The following PLEKHA6 variants were observed in gnomAD, a reference collection of about 807,000 sequenced individuals.
The protein encoded by PLEKHA6 is pleckstrin homology domain containing A6, also known as pleckstrin homology domain-containing family A member 6.
Under a neutral mutation model 116.7 loss-of-function variants are expected in PLEKHA6, and 60 were observed. The observed-to-expected ratio is 0.51, with a 90% CI of 0.42 to 0.64. The LOEUF (loss-of-function observed/expected upper bound fraction) is 0.64, where lower values mean the gene tolerates loss of function less well. Ranked by LOEUF, PLEKHA6 falls within the 30% of genes least tolerant of loss-of-function variation. The pLI is 0.00. For missense variants in PLEKHA6, 1,338 were observed against 1,422.7 expected, an observed-to-expected ratio of 0.94 and a Z score of 0.96; for synonymous variants, 489 against 556.1, an observed-to-expected ratio of 0.88 and a Z score of 1.70.
intron 2 of PLEKHA6, among the ~76,000 whole-genome samples, chr1:204,368,040 G>C (rs867298312): frequency 3.3e-5 from 5 of 152,350 alleles, no homozygotes; most frequent in Middle Eastern, 3.4e-3. Context: ...CTAGCAGTGA[G>C]ATTCCCAGCA....
chr1:204,268,253 C>A lies in PLEKHA6; in HGVS notation c.162G>T (p.Arg54=). 6.2e-7 allele frequency: 1 copy of A among 1,612,606 alleles called. No homozygotes were observed. The highest frequency in any genetic ancestry group is 1.1e-5 in the South Asian group (1 of 90,880). Residue 54 remains arginine, a synonymous_variant, in exon 4 of 23, where the codon CGG becomes CGT. Transcript: ENST00000272203. ...CCTTGGTGACAGGTGCATTGGGGTT[C>A]CGCTTCATGGAGTGTGAGCGCTTGC... The part of the protein sequence containing the change: ...AFGKRSHSMK[R]NPNAPVTKAG...
At chr1:204,225,122 A>C (rs1660160866) in intron 21 of PLEKHA6, among the ~76,000 whole-genome samples, 2 of 152,232 alleles carry the variant, frequency 1.3e-5, no homozygotes, top group Admixed American at 1.3e-4. Context: ...AGAAAGCACG[A>C]CTGAGGAGAA....
intron 1 of PLEKHA6, among the ~76,000 whole-genome samples, chr1:204,356,747 C>A (rs755904220): frequency 6.6e-6 from 1 of 151,890 alleles, no homozygotes; most frequent in Non-Finnish European, 1.5e-5. Flanking sequence ...TACAAGTATA[C>A]CAAAATTAAA....
intron 2 of PLEKHA6, 65 bp from the exon 3 acceptor site, chr1:204,273,805 C>A (rs1667728248): frequency 9.1e-7 from 1 of 1,104,202 alleles, no homozygotes; most frequent in African/African-American, 1.5e-5. Context: ...AACAGCCCAT[C>A]CTTTTTCCAC....
At chr1:204,365,786 G>T (rs1398155) in intron 3 of PLEKHA6, among the ~76,000 whole-genome samples, 2,090 of 152,324 alleles carry the variant, frequency 0.014, 18 homozygotes, top group Middle Eastern at 0.027. Context: ...ACAGCAGTGG[G>T]GGGACCAGAA....
At chr1:204,274,980 T>C in intron 1 of PLEKHA6, 171 bp from the exon 2 acceptor site, 1 of 23,348 alleles carries the variant, frequency 4.3e-5, no homozygotes, top group Non-Finnish European at 5.4e-5. Flanking sequence ...TGGATGAGGG[T>C]GGGGGCGGGG....
chr1:204,293,917 C>G (rs1670016737), intron 1 of PLEKHA6, among the ~76,000 whole-genome samples: 1 of 152,110 alleles, frequency 6.6e-6, no homozygotes. Context: ...GAGACATGAT[C>G]CTGAATTGGA....
chr1:204,329,121 G>A (rs750645287), intron 1 of PLEKHA6, among the ~76,000 whole-genome samples: 10 of 152,224 alleles, frequency 6.6e-5, no homozygotes, highest in Non-Finnish European at 1.3e-4. Flanking sequence ...AGAGGGGATA[G>A]TTGGGAAAGA....
chr1:204,297,054 T>C (rs1670354120), intron 1 of PLEKHA6: 2 of 962,394 alleles, frequency 2.1e-6, no homozygotes, highest in Non-Finnish European at 1.2e-6. Flanking sequence ...TGCAGATTTC[T>C]TTTTTTAAAC....
intron 2 of PLEKHA6, among the ~76,000 whole-genome samples, chr1:204,370,006 T>C (rs1383305357): frequency 6.6e-6 from 1 of 152,198 alleles, no homozygotes; most frequent in Non-Finnish European, 1.5e-5. Context: ...CTCCCCATTA[T>C]AAAGATGAAG....
chr1:204,308,585 C>T (rs1671495592), intron 1 of PLEKHA6, among the ~76,000 whole-genome samples: 1 of 151,646 alleles, frequency 6.6e-6, no homozygotes, highest in Non-Finnish European at 1.5e-5. Flanking sequence ...AATAAGGTAA[C>T]ATGTATACAG....
At chr1:204,312,209 T>C (rs76195279) in intron 1 of PLEKHA6, among the ~76,000 whole-genome samples, 2,493 of 152,306 alleles carry the variant, frequency 0.016, 63 homozygotes, top group African/African-American at 0.054. Flanking sequence ...AAGGCTTCCA[T>C]GACAGTCGAT....
upstream of PLEKHA6, among the ~76,000 whole-genome samples, chr1:204,363,065 G>T (rs995226731): frequency 6.6e-6 from 1 of 152,242 alleles, no homozygotes; most frequent in South Asian, 2.1e-4. Context: ...CACTGTACCA[G>T]AACTGCTGCC....
chr1:204,241,871 C>A, intron 15 of PLEKHA6, 57 bp from the exon 16 acceptor site: 2 of 1,582,796 alleles, frequency 1.3e-6, no homozygotes, highest in South Asian at 2.2e-5. Flanking sequence ...GGAACTTGGC[C>A]CCCAGTGATG....
At chr1:204,302,600 G>A (rs1461820277) in intron 1 of PLEKHA6, among the ~76,000 whole-genome samples, 1 of 152,170 alleles carries the variant, frequency 6.6e-6, no homozygotes, top group East Asian at 1.9e-4. Flanking sequence ...CTGCCAGCCG[G>A]GTACAGTGGC....
At chr1:204,287,577 AC>A (rs549716168) in intron 1 of PLEKHA6, among the ~76,000 whole-genome samples, 33 of 151,724 alleles carry the variant, frequency 2.2e-4, no homozygotes, top group African/African-American at 8.0e-4. Context: ...CTCTGCACCC[AC>A]CCCCGCCAGG....
In PLEKHA6 at chr1:204,257,370, A is replaced by G. The variant is rs759501989; in HGVS notation, c.1507T>C (p.Ser503Pro). 1 of 1,562,318 alleles carries G rather than the reference A, an allele frequency of 6.4e-7. No homozygotes were observed. The highest frequency in any genetic ancestry group is 8.7e-7 in the Non-Finnish European group (1 of 1,152,786). Residue 503 changes from serine (S) to proline (P), a missense_variant, in exon 9 of 23, where the codon TCC (serine) becomes CCC (proline). This residue lies in a region of PLEKHA6 where 1,136 missense variants were observed against 1,163.6 expected (regional missense o/e 0.98). Transcript: ENST00000272203. The surrounding 1 kb of genome is among the most constrained non-coding windows in gnomAD (Gnocchi z 6.5). ...ADPAAYVMRRSISSPKVPPYP... is the reference protein window; with the variant it reads ...ADPAAYVMRRPISSPKVPPYP... ...TGGCTCACCTTGGGGGAGCTGATGG[A>G]TCGCCTCATCACATAGGCAGCAGGG...
rs536306839 is a variant in PLEKHA6 at position 204,238,740 on chromosome 1, G to A, written c.2409+2635C>T. 7.9e-5 allele frequency among the ~76,000 whole-genome samples: 12 copies of A among 152,306 alleles called. No individual in the cohort carries two copies. The highest frequency in any genetic ancestry group is 2.9e-4 in the African/African-American group (12 of 41,560). Reference sequence around the variant, plus strand: ...TCAGTTGACAGAGGAAGAGAAGACTGAGGCCTGGTTCACAGATGGTTCTGC... The same window carrying A: ...TCAGTTGACAGAGGAAGAGAAGACTAAGGCCTGGTTCACAGATGGTTCTGC... On this transcript the variant is annotated intron_variant, in intron 17 of 22. Transcript: ENST00000272203. This position sits in a 1 kb window ranked among gnomAD's most constrained non-coding sequence, Gnocchi z 4.2.
intron 5 of PLEKHA6, among the ~76,000 whole-genome samples, chr1:204,265,746 C>A (rs1274067266): frequency 2.0e-5 from 3 of 152,230 alleles, no homozygotes; most frequent in Admixed American, 6.5e-5. Context: ...TTGCCCTTTT[C>A]TGCTGCAGAT....
Sources: allele counts gnomAD v4.1 joint callset (sites outside exome capture counted in the v4.1 genomes callset), GRCh38; gene constraint gnomAD v4.1.1; regional missense constraint gnomAD v4.1.1; non-coding constraint Gnocchi (gnomAD v3.1); transcripts MANE v1.5; gene names NCBI Gene and HGNC (gene_info 2026-07-23, HGNC 2026-07-21).